The following ADARB1 variants were observed in gnomAD, a reference collection of about 807,000 sequenced individuals.
ADARB1 encodes double-stranded RNA-specific editase 1.
In ADARB1, 10 loss-of-function variants were observed where a neutral mutation model predicts 52.4. The observed-to-expected ratio is 0.19, with a 90% CI of 0.12 to 0.32. ADARB1 has a LOEUF of 0.32. Among genes scored for constraint, ADARB1 ranks in the 10% least tolerant of loss-of-function variants. The pLI is 1.00. For synonymous variants in ADARB1, 349 were observed against 371.1 expected (o/e 0.94, Z 0.68); for missense variants, 643 against 922.3 (o/e 0.70, Z 3.92).
At chr21:45,158,621 C>T (rs182248946) in intron 2 of ADARB1, among the ~76,000 whole-genome samples, 28 of 152,168 alleles carry the variant, frequency 1.8e-4, no homozygotes, top group African/African-American at 6.8e-4. Context: ...GCCCAGGGCT[C>T]ACAGGTCCCA....
intron 2 of ADARB1, among the ~76,000 whole-genome samples, chr21:45,147,044 C>T (rs896034492): frequency 2.0e-5 from 3 of 152,198 alleles, no homozygotes; most frequent in Non-Finnish European, 4.4e-5. Flanking sequence ...TCAGGGGTCA[C>T]GGCACTGCTC....
At chr21:45,105,981 A>G (rs2087235871) in intron 1 of ADARB1, among the ~76,000 whole-genome samples, 1 of 152,228 alleles carries the variant, frequency 6.6e-6, no homozygotes, top group Non-Finnish European at 1.5e-5. Context: ...GTTCTGTAAA[A>G]CAACTGTAAA....
Position 45,201,845 on chromosome 21 carries a change from G to A in ADARB1, c.1566-2710G>A, listed in dbSNP as rs147425224. ...AGCAGGTAAGCAAAAGGCTTGAGTG[G>A]CTGGGAAGGGAGGCCTCCCTCAGAA... On this transcript the variant is annotated intron_variant, in intron 8 of 10. Coordinates refer to ENST00000348831, the MANE Select transcript of ADARB1 (RefSeq NM_001112.4). 2.9e-4 allele frequency among the ~76,000 whole-genome samples: 44 copies of A among 152,264 alleles called. 2 individuals are homozygous for A. In the East Asian group the frequency reaches 8.5e-3, roughly 29 times the overall value.
rs192848610 is a variant in ADARB1 at position 45,150,897 on chromosome 21, A to G, written c.-47-20713A>G. Among the ~76,000 whole-genome samples, 408 of 152,344 alleles carry G rather than the reference A, an allele frequency of 2.7e-3. 4 individuals carry two copies. Among genetic ancestry groups the G allele is most frequent in the Non-Finnish European group, 3.1e-3 (208 of 68,034 alleles). On this transcript the variant is annotated intron_variant, in intron 2 of 10. Transcript: ENST00000348831. Reference sequence around the variant, plus strand: ...CCAACACAAATTCAGGCACAAATTCAGTACACCACACAATGGGGGAAACAT... The same window carrying G: ...CCAACACAAATTCAGGCACAAATTCGGTACACCACACAATGGGGGAAACAT...
chr21:45,102,570 A>G (rs1009535359), intron 1 of ADARB1, among the ~76,000 whole-genome samples: 3 of 152,226 alleles, frequency 2.0e-5, no homozygotes, highest in African/African-American at 7.2e-5. Context: ...CCGAGAAACA[A>G]ACATAACCAC....
intron 9 of ADARB1, among the ~76,000 whole-genome samples, chr21:45,209,748 TGA>T (rs536248233): frequency 1.2e-4 from 18 of 152,214 alleles, no homozygotes; most frequent in African/African-American, 1.7e-4. Flanking sequence ...TTAGTTTGTT[TGA>T]GTTTCTTTCC....
chr21:45,086,944 A>G (rs1005778423), intron 1 of ADARB1, among the ~76,000 whole-genome samples: 2 of 152,168 alleles, frequency 1.3e-5, no homozygotes, highest in Non-Finnish European at 2.9e-5. Context: ...TGTGATGTGC[A>G]TTGTGCTTCT....
chr21:45,174,066 C>T (rs1227750198), intron 3 of ADARB1, among the ~76,000 whole-genome samples: 2 of 152,124 alleles, frequency 1.3e-5, no homozygotes, highest in African/African-American at 4.8e-5. Flanking sequence ...TAAACATTCC[C>T]ATGGATGAAG....
chr21:45,143,252 C>G (rs1269527261), intron 2 of ADARB1, among the ~76,000 whole-genome samples: 1 of 152,186 alleles, frequency 6.6e-6, no homozygotes, highest in East Asian at 1.9e-4. Flanking sequence ...CACCTTCCCC[C>G]TGCTCTCCAA....
At chr21:45,171,012 A>C (rs1365521387) in intron 2 of ADARB1, among the ~76,000 whole-genome samples, 2 of 152,180 alleles carry the variant, frequency 1.3e-5, no homozygotes, top group Non-Finnish European at 2.9e-5. Context: ...AAGGTGAGAG[A>C]GAAGTAGCTA....
chr21:45,175,559 C>T (rs2091657617), intron 3 of ADARB1, among the ~76,000 whole-genome samples, 171 bp from the exon 4 acceptor site: 1 of 152,174 alleles, frequency 6.6e-6, no homozygotes, highest in Non-Finnish European at 1.5e-5. Context: ...TTAGTTGAGG[C>T]TGATAGTTCT....
Position 45,204,654 on chromosome 21 carries a change from C to T in ADARB1, c.1665C>T (p.His555=), listed in dbSNP as rs2092631259. The change falls in exon 9 of 11, where the codon CAC becomes CAT. Residue 555 remains histidine (H), a synonymous_variant. Transcript: ENST00000348831. The surrounding 1 kb of genome is among the most constrained non-coding windows in gnomAD (Gnocchi z 4.4). ...IILGSLYHGD[H]LSRAMYQRIS... is the part of the protein sequence containing the mutation. The stretch of plus-strand genomic sequence containing the variant: ...TGGGCAGCCTTTACCACGGGGACCA[C>T]CTTTCCAGGGCCATGTACCAGCGGA... The T allele has an allele frequency of 3.1e-6, 5 of 1,614,176 alleles. No individual in the cohort carries two copies. The East Asian group carries it at 8.9e-5, about 29-fold the overall frequency.
intron 2 of ADARB1, among the ~76,000 whole-genome samples, chr21:45,130,687 C>A (rs574190489): frequency 2.6e-5 from 4 of 152,282 alleles, no homozygotes; most frequent in South Asian, 2.1e-4. Context: ...GCCTCCCTCC[C>A]GGGTCCTGCC....
At position 45,136,737 on chromosome 21, in the gene ADARB1, A is replaced by AG. The variant is rs146216758; in HGVS notation, c.-48+8166dup. 2.6e-4 allele frequency among the ~76,000 whole-genome samples: 40 copies of AG among 152,348 alleles called. No homozygotes were observed. The East Asian group carries it at 7.1e-3, about 27-fold the overall frequency. On this transcript the variant is annotated intron_variant, in intron 2 of 10. Coordinates refer to ENST00000348831, the MANE Select transcript of ADARB1 (RefSeq NM_001112.4). ...AGGAGGCACCCTGCCGCTCTCCCCC[A>AG]GGTTGCTTGGTGTGTGCGCTGCAGG... is the stretch of plus-strand genomic sequence containing the variant.
chr21:45,178,372 G>T (rs1036004698), intron 4 of ADARB1, among the ~76,000 whole-genome samples: 6 of 152,246 alleles, frequency 3.9e-5, no homozygotes, highest in African/African-American at 1.4e-4. Flanking sequence ...CGTTCCTCTG[G>T]GCTCTGTAGG....
intron 2 of ADARB1, chr21:45,134,575 C>T: frequency 5.4e-6 from 2 of 368,872 alleles, no homozygotes; most frequent in Non-Finnish European, 1.1e-5. Flanking sequence ...CCAGCAGAGG[C>T]ATATGCCTGA....
At chr21:45,186,972 A>G (rs1192492085) in intron 8 of ADARB1, among the ~76,000 whole-genome samples, 1 of 152,156 alleles carries the variant, frequency 6.6e-6, no homozygotes, top group East Asian at 1.9e-4. Context: ...GAATCCTCCA[A>G]CTTTATTCTT....
intron 2 of ADARB1, among the ~76,000 whole-genome samples, chr21:45,169,561 C>T (rs1467536489): frequency 1.3e-5 from 2 of 152,154 alleles, no homozygotes; most frequent in Non-Finnish European, 2.9e-5. Context: ...TGTCAGCTTT[C>T]TCTACATCTC....
chr21:45,140,758 T>G (rs571837278), intron 2 of ADARB1, among the ~76,000 whole-genome samples: 1 of 152,214 alleles, frequency 6.6e-6, no homozygotes, highest in Non-Finnish European at 1.5e-5. Flanking sequence ...GGAATACTTA[T>G]AGCTGGTTTA....
Sources: gnomAD v4.1 joint callset for allele counts (sites outside exome capture counted in the v4.1 genomes callset) on GRCh38, gnomAD v4.1.1 for gene constraint, Gnocchi (gnomAD v3.1) non-coding constraint, MANE v1.5 for transcripts, NCBI Gene and HGNC (gene_info 2026-07-23, HGNC 2026-07-21) for gene names.